RHOBTB1: variants seen among roughly 807,000 people sequenced by gnomAD.
RHOBTB1 encodes rho-related BTB domain-containing protein 1.
RHOBTB1 carries 40 observed loss-of-function variants against 71.6 expected under a neutral mutation model. That is an observed-to-expected ratio of 0.56 (90% CI 0.43 to 0.73). The LOEUF is 0.73. Ranked by LOEUF, RHOBTB1 falls within the 30% of genes least tolerant of loss-of-function variation. The probability of loss-of-function intolerance (pLI) is 0.00; values close to 1 mark genes in which losing one functional copy is unlikely to be tolerated. For synonymous variants in RHOBTB1, 319 were observed against 334.9 expected, an observed-to-expected ratio of 0.95 and a Z score of 0.52; for missense variants, 797 against 894.0, an observed-to-expected ratio of 0.89 and a Z score of 1.38.
chr10:60,895,398 TTA>T (rs1491219630), intron 4 of RHOBTB1, among the ~76,000 whole-genome samples: 1,506 of 137,138 alleles, frequency 0.011, 21 homozygotes, highest in African/African-American at 0.039. Context: ...AAAAATAAGA[TTA>T]TTTTTTATTT....
At chr10:60,983,606 TC>T (rs1307281303) in intron 2 of RHOBTB1, among the ~76,000 whole-genome samples, 1 of 152,210 alleles carries the variant, frequency 6.6e-6, no homozygotes, top group Non-Finnish European at 1.5e-5. Flanking sequence ...CTAAATGTAT[TC>T]AGATTTTGCA....
intron 2 of RHOBTB1, among the ~76,000 whole-genome samples, chr10:60,928,775 T>C (rs1233881959): frequency 6.6e-6 from 1 of 151,856 alleles, no homozygotes; most frequent in Non-Finnish European, 1.5e-5. Flanking sequence ...TAACTAAGAG[T>C]GAAATTGGAA....
intron 2 of RHOBTB1, among the ~76,000 whole-genome samples, chr10:60,929,182 G>A (rs2084079818): frequency 6.6e-6 from 1 of 151,828 alleles, no homozygotes; most frequent in East Asian, 1.9e-4. Flanking sequence ...TGAGATTTGG[G>A]TGGGGACACA....
the RHOBTB1 span, among the ~76,000 whole-genome samples, chr10:60,862,125 C>T: frequency 2.0e-5 from 3 of 147,338 alleles, no homozygotes; most frequent in African/African-American, 7.7e-5. Flanking sequence ...TCTTTCTTCT[C>T]TCTCTCCTTC....
chr10:60,907,442 T>C (rs193141425), intron 4 of RHOBTB1, among the ~76,000 whole-genome samples: 18 of 152,294 alleles, frequency 1.2e-4, no homozygotes, highest in Non-Finnish European at 2.1e-4. Flanking sequence ...ATGGTTTTGT[T>C]CCTGACATTT....
At chr10:60,972,003 G>A (rs887975220) in intron 2 of RHOBTB1, among the ~76,000 whole-genome samples, 3 of 151,978 alleles carry the variant, frequency 2.0e-5, no homozygotes, top group Admixed American at 6.6e-5. Context: ...CATCTCACAC[G>A]AGTTAGAATG....
Position 60,888,753 on chromosome 10 carries a change from A to G in RHOBTB1, c.915T>C (p.Asn305=), listed in dbSNP as rs17853098. 1 of 1,614,092 alleles carries G rather than the reference A, an allele frequency of 6.2e-7. No individual in the cohort carries two copies. Among genetic ancestry groups the G allele is most frequent in the Non-Finnish European group, 8.5e-7 (1 of 1,180,010 alleles). Residue 305 remains asparagine, a synonymous_variant, in exon 6 of 11, where the codon AAT becomes AAC. Transcript: ENST00000337910. ...CTTTCTCACAGGCTCCTTCACTCCC[A>G]TTTGGGGATTCTTCACATTCCATTA... ...LFLMECEESP[N]GSEGACEKEK... is the part of the protein sequence containing the mutation.
At chr10:60,915,559 T>C (rs1009657698) in intron 2 of RHOBTB1, among the ~76,000 whole-genome samples, 3 of 152,196 alleles carry the variant, frequency 2.0e-5, no homozygotes, top group Non-Finnish European at 4.4e-5. Context: ...CAGTACCCGA[T>C]GAATCCACTT....
At chr10:60,945,976 G>A (rs184772353), upstream of RHOBTB1, among the ~76,000 whole-genome samples, 1 of 152,092 alleles carries the variant, frequency 6.6e-6, no homozygotes, top group African/African-American at 2.4e-5. Context: ...TCAGGAGTTC[G>A]AAACCAGCCT....
intron 8 of RHOBTB1, 118 bp from the exon 9 acceptor site, chr10:60,875,160 G>C (rs2080991448): frequency 1.4e-6 from 1 of 710,072 alleles, no homozygotes; most frequent in Non-Finnish European, 2.5e-6. Context: ...CACAGCTCTG[G>C]GCAGGCATCT....
the RHOBTB1 span, among the ~76,000 whole-genome samples, chr10:60,862,232 C>G: frequency 6.6e-6 from 1 of 150,868 alleles, no homozygotes; most frequent in African/African-American, 2.4e-5. Context: ...GAGTCTCACC[C>G]TTTTACCCAG....
At chr10:60,977,975 A>C (rs2086369383) in intron 2 of RHOBTB1, among the ~76,000 whole-genome samples, 1 of 152,126 alleles carries the variant, frequency 6.6e-6, no homozygotes, top group Admixed American at 6.6e-5. Flanking sequence ...TCACTTATTA[A>C]AGGTTGCCTC....
intron 2 of RHOBTB1, among the ~76,000 whole-genome samples, chr10:60,940,722 C>T (rs1030092271): frequency 6.6e-6 from 1 of 152,090 alleles, no homozygotes; most frequent in African/African-American, 2.4e-5. Context: ...CTGTCCTTTC[C>T]CAAACTCTCA....
At position 60,877,897 on chromosome 10, in the gene RHOBTB1, A is replaced by T; in HGVS notation, c.1726+11T>A. On this transcript the variant is annotated intron_variant, in intron 8 of 10. Transcript: ENST00000337910. The stretch of plus-strand genomic sequence containing the variant: ...GACAGACACTGCATGGCCCTGAGTC[A>T]TCATCCTTACCTGCAAGTGCAACCA... 1 of 1,612,172 alleles carries T rather than the reference A, an allele frequency of 6.2e-7. No individual in the cohort carries two copies. Among genetic ancestry groups the T allele is most frequent in the Non-Finnish European group, 8.5e-7 (1 of 1,179,180 alleles).
chr10:60,966,957 C>T (rs1299144344), intron 2 of RHOBTB1, among the ~76,000 whole-genome samples: 3 of 151,686 alleles, frequency 2.0e-5, no homozygotes, highest in Admixed American at 6.6e-5. Context: ...AGTGTAAGCA[C>T]GACAAAGTTC....
intron 1 of RHOBTB1, among the ~76,000 whole-genome samples, chr10:60,993,062 T>C (rs1281516718): frequency 1.3e-5 from 2 of 152,140 alleles, no homozygotes; most frequent in Admixed American, 1.3e-4. Flanking sequence ...TTCGGGCATT[T>C]TATTAAATAG....
At chr10:60,890,391 C>T (rs1042264977) in intron 5 of RHOBTB1, among the ~76,000 whole-genome samples, 1 of 152,088 alleles carries the variant, frequency 6.6e-6, no homozygotes, top group Non-Finnish European at 1.5e-5. Flanking sequence ...GTTTTAACTT[C>T]CTCTGATGTC....
intron 7 of RHOBTB1, among the ~76,000 whole-genome samples, chr10:60,883,112 G>A (rs928949321): frequency 1.3e-5 from 2 of 152,194 alleles, no homozygotes; most frequent in Admixed American, 6.6e-5. Flanking sequence ...GAAGGGGCGA[G>A]AATGTCGACA....
chr10:60,893,156 G>T (rs1018915589), intron 4 of RHOBTB1, among the ~76,000 whole-genome samples, 161 bp from the exon 5 acceptor site: 3 of 150,504 alleles, frequency 2.0e-5, no homozygotes, highest in African/African-American at 7.3e-5. Flanking sequence ...CATGCAAACA[G>T]CCTGATAAGC....
Sources: allele counts gnomAD v4.1 joint callset (sites outside exome capture counted in the v4.1 genomes callset), GRCh38; gene constraint gnomAD v4.1.1; transcripts MANE v1.5; gene names NCBI Gene and HGNC (gene_info 2026-07-23, HGNC 2026-07-21).